AMPH: variants seen among roughly 807,000 people sequenced by gnomAD.
AMPH encodes the protein amphiphysin (Stiff-Mann syndrome with breast cancer 128kD autoantigen).
A neutral mutation model predicts 99.1 loss-of-function variants in AMPH; 49 were observed. The observed-to-expected ratio is 0.49, with a 90% confidence interval of 0.39 to 0.63. The LOEUF is 0.63. Among genes scored for constraint, AMPH ranks in the 20% least tolerant of loss-of-function variants. The probability of loss-of-function intolerance (pLI) is 0.00; values close to 1 mark genes in which losing one functional copy is unlikely to be tolerated. For missense variants in AMPH, 759 were observed against 863.4 expected (o/e 0.88, Z 1.52); for synonymous variants, 314 against 317.3 (o/e 0.99, Z 0.11).
chr7:38,557,930 C>G (rs1410299861), intron 1 of AMPH, among the ~76,000 whole-genome samples: 1 of 151,768 alleles, frequency 6.6e-6, no homozygotes, highest in Non-Finnish European at 1.5e-5. Context: ...GTGGCACACG[C>G]TGTGACCCCA....
At chr7:38,629,680 G>A (rs543867797) in intron 1 of AMPH, among the ~76,000 whole-genome samples, 4 of 152,350 alleles carry the variant, frequency 2.6e-5, no homozygotes, top group Non-Finnish European at 5.9e-5. Context: ...GCCTCAGACC[G>A]AAGAGTCAAG....
At chr7:38,627,379 T>C (rs1356605115) in intron 1 of AMPH, among the ~76,000 whole-genome samples, 1 of 21,586 alleles carries the variant, frequency 4.6e-5, no homozygotes, top group African/African-American at 3.5e-4. Context: ...CCGTCTCTAC[T>C]AAAAATACAA....
At position 38,592,052 on chromosome 7, in the gene AMPH, T is replaced by C. The variant is rs1336283886; in HGVS notation, c.69+39231A>G. Among the ~76,000 whole-genome samples the C allele has an allele frequency of 9.2e-5, 14 of 152,302 alleles. No homozygotes were observed. In the East Asian group the frequency reaches 2.3e-3, roughly 25 times the overall value. ...TAAGCCAGTGATAAACAGTTTCTATTATAGATTAACTAAAAGTATTCCTTA... is the reference window on the plus strand; with the variant it reads ...TAAGCCAGTGATAAACAGTTTCTATCATAGATTAACTAAAAGTATTCCTTA... On this transcript the variant is annotated intron_variant, in intron 1 of 20. Transcript: ENST00000356264.
chr7:38,454,153 G>A (rs1272267007), intron 11 of AMPH, among the ~76,000 whole-genome samples: 5 of 152,168 alleles, frequency 3.3e-5, no homozygotes, highest in African/African-American at 1.2e-4. Flanking sequence ...TACAACAGAA[G>A]AAAGAAAACA....
chr7:38,538,012 G>A (rs760921324), intron 1 of AMPH, among the ~76,000 whole-genome samples: 2 of 152,138 alleles, frequency 1.3e-5, no homozygotes, highest in Non-Finnish European at 2.9e-5. Context: ...GCTCTGCCAG[G>A]AAGACCCAAA....
chr7:38,474,668 G>A (rs1788016351), intron 7 of AMPH, among the ~76,000 whole-genome samples: 2 of 152,134 alleles, frequency 1.3e-5, no homozygotes, highest in Admixed American at 1.3e-4. Flanking sequence ...TGGGGTGGGA[G>A]CATGAGGATG....
intron 14 of AMPH, chr7:38,428,956 T>A (rs1273189557): frequency 8.2e-7 from 1 of 1,224,030 alleles, no homozygotes; most frequent in South Asian, 1.3e-5. Context: ...CCTATGGTAT[T>A]AAGAAGTTCT....
chr7:38,434,742 GAA>G (rs10713859), intron 12 of AMPH, among the ~76,000 whole-genome samples: 103 of 135,820 alleles, frequency 7.6e-4, no homozygotes, highest in Middle Eastern at 3.7e-3. Context: ...CCATCTCAAA[GAA>G]AAAAAAAAAA....
intron 2 of AMPH, among the ~76,000 whole-genome samples, chr7:38,518,284 G>C (rs1052997245): frequency 6.6e-6 from 1 of 152,194 alleles, no homozygotes; most frequent in Admixed American, 6.5e-5. Flanking sequence ...CAGAAGCAGA[G>C]GTGTCACAGA....
chr7:38,590,344 C>T (rs145621228), intron 1 of AMPH, among the ~76,000 whole-genome samples: 10 of 152,288 alleles, frequency 6.6e-5, no homozygotes, highest in African/African-American at 2.2e-4. Flanking sequence ...CACACCCTGC[C>T]AGATCTGGAG....
intron 1 of AMPH, among the ~76,000 whole-genome samples, chr7:38,606,517 A>G (rs1408690147): frequency 6.8e-6 from 1 of 147,000 alleles, no homozygotes; most frequent in African/African-American, 2.5e-5. Context: ...TTCACTTAGC[A>G]TGTTTTCTAC....
At chr7:38,525,277 TAGAGAGAGAGAGAGAG>T (rs66462162) in intron 2 of AMPH, among the ~76,000 whole-genome samples, 4 of 86,656 alleles carry the variant, frequency 4.6e-5, no homozygotes, top group Admixed American at 1.2e-4. Flanking sequence ...TATATATATA[TAGAGAGAGAGAGAGAG>T]AGAGAGAGAG....
chr7:38,494,794 A>G (rs1788867147), intron 3 of AMPH, among the ~76,000 whole-genome samples: 1 of 152,138 alleles, frequency 6.6e-6, no homozygotes. Flanking sequence ...TACTCTGAAA[A>G]CTACAATAAT....
At chr7:38,470,793 A>G (rs751443868) in intron 7 of AMPH, among the ~76,000 whole-genome samples, 1 of 152,150 alleles carries the variant, frequency 6.6e-6, no homozygotes, top group Non-Finnish European at 1.5e-5. Flanking sequence ...AACATATATA[A>G]GCCAGACTCA....
intron 17 of AMPH, among the ~76,000 whole-genome samples, chr7:38,416,372 G>A (rs1785387551): frequency 6.6e-6 from 1 of 151,910 alleles, no homozygotes; most frequent in Non-Finnish European, 1.5e-5. Flanking sequence ...ATCCAATGCT[G>A]CCCCTGCTCA....
At chr7:38,394,593 T>C (rs988167981) in intron 17 of AMPH, among the ~76,000 whole-genome samples, 10 of 152,190 alleles carry the variant, frequency 6.6e-5, no homozygotes, top group Admixed American at 2.0e-4. Context: ...AGAAATAAAA[T>C]TGAATCTCGG....
At chr7:38,480,790 G>A (rs140531062) in intron 5 of AMPH, among the ~76,000 whole-genome samples, 1 of 152,244 alleles carries the variant, frequency 6.6e-6, no homozygotes, top group Non-Finnish European at 1.5e-5. Context: ...CTTCAAAGGA[G>A]GCTATCCCTT....
At chr7:38,514,323 T>C (rs1789655495) in intron 2 of AMPH, among the ~76,000 whole-genome samples, 1 of 152,238 alleles carries the variant, frequency 6.6e-6, no homozygotes, top group South Asian at 2.1e-4. Context: ...CTCCACATGA[T>C]ATCATCTATC....
intron 4 of AMPH, among the ~76,000 whole-genome samples, chr7:38,494,146 A>G (rs2129021569): frequency 6.6e-6 from 1 of 152,082 alleles, no homozygotes; most frequent in South Asian, 2.1e-4. Context: ...TTTAGTGGAG[A>G]CGAGGTTTCA....
Sources: gnomAD v4.1 joint callset for allele counts (sites outside exome capture counted in the v4.1 genomes callset) on GRCh38, gnomAD v4.1.1 for gene constraint, MANE v1.5 for transcripts, NCBI Gene and HGNC (gene_info 2026-07-23, HGNC 2026-07-21) for gene names.